The following CDKAL1 variants were observed in gnomAD, a reference collection of about 807,000 sequenced individuals.
CDKAL1 encodes CDKAL1 threonylcarbamoyladenosine tRNA methylthiotransferase.
Under a neutral mutation model 68.2 loss-of-function variants are expected in CDKAL1, and 32 were observed. The observed-to-expected ratio is 0.47, with a 90% confidence interval of 0.35 to 0.63. The LOEUF (loss-of-function observed/expected upper bound fraction) is 0.63, where lower values mean the gene tolerates loss of function less well. Among genes scored for constraint, CDKAL1 ranks in the 30% least tolerant of loss-of-function variants. The pLI is 0.00. For synonymous variants in CDKAL1, 234 were observed against 244.3 expected (o/e 0.96, Z 0.39); for missense variants, 606 against 696.7 (o/e 0.87, Z 1.47).
intron 5 of CDKAL1, among the ~76,000 whole-genome samples, chr6:20,664,854 A>G (rs992979524): frequency 7.2e-5 from 11 of 152,088 alleles, no homozygotes; most frequent in Non-Finnish European, 1.5e-4. Context: ...GTAATCGGTA[A>G]TGGGTGGCTT....
At position 20,908,122 on chromosome 6, in the gene CDKAL1, A is replaced by G. The variant is rs75239109; in HGVS notation, c.743-47297A>G. On this transcript the variant is annotated intron_variant, in intron 9 of 15. Transcript: ENST00000274695. ...GCCTTCTGGGAACTCCAGCATAACC[A>G]TGGGCACAGAACAAACTACCGCAAT... Among the ~76,000 whole-genome samples the G allele has an allele frequency of 1.1e-3, 162 of 152,318 alleles. 2 individuals carry two copies. In the East Asian group the frequency reaches 0.029, roughly 27 times the overall value.
At chr6:21,230,584 G>A (rs1289536659) in intron 15 of CDKAL1, among the ~76,000 whole-genome samples, 1 of 152,152 alleles carries the variant, frequency 6.6e-6, no homozygotes, top group Non-Finnish European at 1.5e-5. Flanking sequence ...ATTCTGCCTT[G>A]ATTTTCTATA....
intron 9 of CDKAL1, among the ~76,000 whole-genome samples, chr6:20,941,447 T>G (rs1183300677): frequency 6.6e-6 from 1 of 152,224 alleles, no homozygotes; most frequent in African/African-American, 2.4e-5. Context: ...TGTATCACTT[T>G]GGGCAAGTCT....
intron 11 of CDKAL1, among the ~76,000 whole-genome samples, chr6:21,061,800 C>T (rs1771150654): frequency 6.6e-6 from 1 of 152,120 alleles, no homozygotes. Flanking sequence ...AGATCCGCCT[C>T]ATCTCACATT....
At chr6:20,704,588 T>C (rs1482229471) in intron 5 of CDKAL1, among the ~76,000 whole-genome samples, 1 of 152,128 alleles carries the variant, frequency 6.6e-6, no homozygotes, top group Non-Finnish European at 1.5e-5. Context: ...TATTTTCTAC[T>C]TAATGAATAG....
intron 5 of CDKAL1, among the ~76,000 whole-genome samples, chr6:20,713,039 A>C (rs1030999759): frequency 6.6e-6 from 1 of 151,676 alleles, no homozygotes; most frequent in African/African-American, 2.4e-5. Flanking sequence ...TGTAGTTCTT[A>C]CTTCTGTGAA....
chr6:21,008,079 T>C (rs1767826692), intron 11 of CDKAL1, among the ~76,000 whole-genome samples: 1 of 152,026 alleles, frequency 6.6e-6, no homozygotes, highest in African/African-American at 2.4e-5. Flanking sequence ...TTAACCCAGA[T>C]AGGGAAATGA....
At chr6:20,563,946 G>A (rs1222824713) in intron 4 of CDKAL1, among the ~76,000 whole-genome samples, 1 of 152,082 alleles carries the variant, frequency 6.6e-6, no homozygotes, top group African/African-American at 2.4e-5. Context: ...ATGTAAAAAC[G>A]AGCAATTTTA....
chr6:20,832,472 T>TAA (rs368550576), intron 8 of CDKAL1, among the ~76,000 whole-genome samples: 27 of 130,372 alleles, frequency 2.1e-4, no homozygotes, highest in African/African-American at 5.6e-4. Flanking sequence ...TGTCTCTAAT[T>TAA]AAAAAAAAAA....
intron 2 of CDKAL1, among the ~76,000 whole-genome samples, chr6:20,537,940 A>C (rs1763240897): frequency 6.6e-6 from 1 of 152,202 alleles, no homozygotes. Context: ...ATTAATAGTG[A>C]TGAGTGAGAT....
intron 11 of CDKAL1, among the ~76,000 whole-genome samples, chr6:21,026,906 C>T (rs182468795): frequency 3.3e-3 from 505 of 152,220 alleles, no homozygotes; most frequent in African/African-American, 0.012. Flanking sequence ...CTCAATGAGC[C>T]TCAAACTTCC....
intron 4 of CDKAL1, among the ~76,000 whole-genome samples, chr6:20,626,150 C>T (rs1032845192): frequency 3.9e-5 from 6 of 152,128 alleles, no homozygotes; most frequent in Non-Finnish European, 8.8e-5. Flanking sequence ...GAGTTAGTCT[C>T]ATTGTTCAGA....
At chr6:21,021,809 C>T (rs976503687) in intron 11 of CDKAL1, among the ~76,000 whole-genome samples, 6 of 152,184 alleles carry the variant, frequency 3.9e-5, no homozygotes. Flanking sequence ...CCCATAGTGC[C>T]ATCCGTCCGG....
intron 4 of CDKAL1, among the ~76,000 whole-genome samples, chr6:20,595,680 C>T (rs1402794945): frequency 2.0e-5 from 3 of 152,014 alleles, no homozygotes; most frequent in East Asian, 1.9e-4. Flanking sequence ...TCTGTCAGTT[C>T]GTCACACTCA....
chr6:20,798,955 A>G (rs1776236698), intron 8 of CDKAL1, among the ~76,000 whole-genome samples: 1 of 147,920 alleles, frequency 6.8e-6, no homozygotes, highest in South Asian at 2.1e-4. Context: ...TTGTGTTAAA[A>G]GGTTTGCATC....
intron 4 of CDKAL1, chr6:20,558,428 G>T (rs1233667261): frequency 1.9e-5 from 8 of 418,920 alleles, no homozygotes; most frequent in South Asian, 6.9e-5. Flanking sequence ...ATATCTAAAT[G>T]TAAAATGAGA....
At position 20,974,978 on chromosome 6, in the gene CDKAL1, C is replaced by CAAAAAAA. The variant is rs11330322; in HGVS notation, c.909+19410_909+19416dup. ...TGGGTGACAGAGGCAGACCCTATCTCAAAAAAAAAAAAAAAAAAAAAAAGG... is the reference window on the plus strand; with the variant it reads ...TGGGTGACAGAGGCAGACCCTATCTCAAAAAAAAAAAAAAAAAAAAAAAAAAAAAAGG... On this transcript the variant is annotated intron_variant, in intron 10 of 15. Coordinates refer to ENST00000274695, the MANE Select transcript of CDKAL1 (RefSeq NM_017774.3). 7.7e-3 allele frequency among the ~76,000 whole-genome samples: 483 copies of CAAAAAAA among 62,892 alleles called. 1 individual carries two copies. Among genetic ancestry groups the CAAAAAAA allele is most frequent in the African/African-American group, 0.017 (263 of 15,728 alleles). 41.3% of individuals were successfully genotyped at this position (62,892 alleles called of 152,430 possible). A position where few individuals can be genotyped will look rare whatever the true frequency, so the allele number is the denominator to read the frequency against.
At chr6:21,089,638 A>G (rs1315485732) in intron 12 of CDKAL1, among the ~76,000 whole-genome samples, 1 of 152,208 alleles carries the variant, frequency 6.6e-6, no homozygotes, top group Non-Finnish European at 1.5e-5. Context: ...ACTAGGAAAG[A>G]GGAGTTGAGG....
intron 4 of CDKAL1, among the ~76,000 whole-genome samples, chr6:20,643,094 G>A (rs959677154): frequency 1.3e-5 from 2 of 152,166 alleles, no homozygotes; most frequent in African/African-American, 2.4e-5. Flanking sequence ...CAGAGGTTAC[G>A]AGCACTCTAA....
Sources: gnomAD v4.1 joint callset for allele counts (sites outside exome capture counted in the v4.1 genomes callset) on GRCh38, gnomAD v4.1.1 for gene constraint, MANE v1.5 for transcripts, NCBI Gene and HGNC (gene_info 2026-07-23, HGNC 2026-07-21) for gene names.